Variants in SH3PXD2A observed in about 807,000 individuals in gnomAD.
SH3PXD2A encodes the protein SH3 and PX domains 2A, also known as SH3 and PX domain-containing protein 2A.
Under a neutral mutation model 115.2 loss-of-function variants are expected in SH3PXD2A, and 32 were observed. The observed-to-expected ratio is 0.28, with a 90% confidence interval of 0.21 to 0.37. The LOEUF (loss-of-function observed/expected upper bound fraction) is 0.37. Ranked by LOEUF, SH3PXD2A falls within the 10% of genes least tolerant of loss-of-function variation. The probability of loss-of-function intolerance (pLI) is 1.00; values close to 1 mark genes in which losing one functional copy is unlikely to be tolerated. For missense variants in SH3PXD2A, 1,328 were observed against 1,498.7 expected (o/e 0.89, Z 1.88); for synonymous variants, 610 against 629.1 (o/e 0.97, Z 0.45).
At chr10:103,850,037 G>A (rs1402048054) in intron 1 of SH3PXD2A, among the ~76,000 whole-genome samples, 1 of 152,144 alleles carries the variant, frequency 6.6e-6, no homozygotes, top group African/African-American at 2.4e-5. Flanking sequence ...CAATTAGAAG[G>A]CAATTTACAG....
intron 1 of SH3PXD2A, among the ~76,000 whole-genome samples, chr10:103,823,285 C>T (rs989642362): frequency 2.0e-5 from 3 of 152,248 alleles, no homozygotes; most frequent in Middle Eastern, 3.4e-3. Context: ...CAGAAAAATC[C>T]GTCTCTTTTG....
intron 7 of SH3PXD2A, among the ~76,000 whole-genome samples, chr10:103,663,542 G>T (rs555987488): frequency 3.3e-5 from 5 of 152,256 alleles, no homozygotes. Context: ...CACCCAGGGA[G>T]CTTTTTAAAA....
At chr10:103,790,036 CTTTGCA>C (rs2039019409) in intron 2 of SH3PXD2A, among the ~76,000 whole-genome samples, 1 of 152,174 alleles carries the variant, frequency 6.6e-6, no homozygotes. Flanking sequence ...GTCTTCAGCT[CTTTGCA>C]ACGGCAGCTT....
At chr10:103,815,626 C>T (rs1353677039) in intron 1 of SH3PXD2A, among the ~76,000 whole-genome samples, 2 of 151,914 alleles carry the variant, frequency 1.3e-5, no homozygotes, top group Admixed American at 6.6e-5. Flanking sequence ...TGCGGTGGCT[C>T]ATGCCTCTAA....
rs995079355 is a variant in SH3PXD2A, at chr10:103,661,715, G to A, written c.473-601C>T. ...GGGAGAGAGCTTCTCCACGGCCCAG[G>A]CCCAGGCGAGGAGTCAAGAGGGTTT... On this transcript the variant is annotated intron_variant, in intron 7 of 14. Transcript: ENST00000369774. 10 of 985,268 alleles carry A rather than the reference G, an allele frequency of 1.0e-5. No individual in the cohort carries two copies. In the East Asian group the frequency reaches 5.7e-4, roughly 56 times the overall value. The allele number at this position is 985,268 out of a possible 1,614,324, so 61.0% of individuals were successfully genotyped here.
chr10:103,655,654 T>G (rs1377938353), intron 8 of SH3PXD2A, among the ~76,000 whole-genome samples: 1 of 151,066 alleles, frequency 6.6e-6, no homozygotes, highest in South Asian at 2.1e-4. Flanking sequence ...ACGCCTGTAA[T>G]CCCAGTTACT....
chr10:103,723,390 T>C (rs1564873354), intron 5 of SH3PXD2A, among the ~76,000 whole-genome samples: 3 of 152,210 alleles, frequency 2.0e-5, no homozygotes. Context: ...GCTGAATTTT[T>C]CTCTCCAATG....
chr10:103,687,735 C>T (rs148608864), intron 6 of SH3PXD2A, among the ~76,000 whole-genome samples: 1 of 152,320 alleles, frequency 6.6e-6, no homozygotes, highest in East Asian at 1.9e-4. Context: ...CGATGAAAGT[C>T]AAAATCCTTA....
intron 6 of SH3PXD2A, among the ~76,000 whole-genome samples, chr10:103,686,628 C>T (rs1450090473): frequency 1.3e-5 from 2 of 152,210 alleles, no homozygotes; most frequent in African/African-American, 2.4e-5. Context: ...CAAGCCAGGT[C>T]GCTGCTACTA....
At position 103,602,583 on chromosome 10, in the gene SH3PXD2A, A is replaced by G. The variant is rs769448356; in HGVS notation, c.2635T>C (p.Tyr879His). The change falls in exon 15 of 15, where the codon TAT becomes CAT. Residue 879 changes from tyrosine to histidine, a missense_variant. By Grantham distance (83) the Tyr-to-His change is moderately conservative. Coordinates refer to ENST00000369774, the MANE Select transcript of SH3PXD2A (RefSeq NM_001394015.1). ...VLEKQESGWW[Y>H]VRFGELEGWA... is the part of the protein sequence containing the mutation. ...CCCTCCAGCTCCCCAAACCTCACAT[A>G]CCACCACCCGCTCTCCTGCTTCTCC... The G allele has an allele frequency of 6.2e-7, 1 of 1,614,072 alleles. No individual in the cohort carries two copies. Among genetic ancestry groups the G allele is most frequent in the Non-Finnish European group, 8.5e-7 (1 of 1,180,032 alleles).
At chr10:103,700,637 T>C (rs1455240895) in intron 5 of SH3PXD2A, among the ~76,000 whole-genome samples, 2 of 152,100 alleles carry the variant, frequency 1.3e-5, no homozygotes, top group Non-Finnish European at 2.9e-5. Context: ...GTGGGGAGGA[T>C]GGCAGGAATA....
intron 1 of SH3PXD2A, among the ~76,000 whole-genome samples, chr10:103,843,126 G>A (rs1435611512): frequency 6.6e-6 from 1 of 152,212 alleles, no homozygotes; most frequent in East Asian, 1.9e-4. Context: ...GGGTTAGGTA[G>A]TAGTATTATT....
intron 2 of SH3PXD2A, among the ~76,000 whole-genome samples, chr10:103,787,778 A>G (rs1034594936): frequency 5.9e-5 from 9 of 152,172 alleles, no homozygotes; most frequent in African/African-American, 1.2e-4. Flanking sequence ...TTGGCAAAAA[A>G]CAAACAAACA....
chr10:103,810,926 ACACACATGGACACAGGCGCGCGCGCG>A (rs1276899575), intron 1 of SH3PXD2A, among the ~76,000 whole-genome samples: 1,033 of 6,658 alleles, frequency 0.16, 19 homozygotes, highest in Middle Eastern at 0.38. Flanking sequence ...ACACGGAGAC[ACACACATGGACACAGGCGCGCGCGCG>A]CACACACACA....
intron 2 of SH3PXD2A, among the ~76,000 whole-genome samples, chr10:103,769,336 C>T (rs201462089): frequency 6.6e-6 from 1 of 152,118 alleles, no homozygotes; most frequent in East Asian, 1.9e-4. Context: ...CCGGTGATTA[C>T]ATTCAAAACA....
chr10:103,627,279 A>T lies in SH3PXD2A; in HGVS notation c.605-77T>A, dbSNP rs1335609672. On this transcript the variant is annotated intron_variant, in intron 8 of 14. Coordinates refer to ENST00000369774, the MANE Select transcript of SH3PXD2A (RefSeq NM_001394015.1). This position sits in a 1 kb window ranked among gnomAD's most constrained non-coding sequence, Gnocchi z 4.4. The stretch of plus-strand genomic sequence containing the variant: ...GGGTGGCTCGGGGGCCAGGACAAGG[A>T]TGGAAGGAGAGGCACAAGAAGCGGA... The T allele has an allele frequency of 2.4e-6, 2 of 826,014 alleles. No individual in the cohort carries two copies. Among genetic ancestry groups the T allele is most frequent in the Non-Finnish European group, 4.1e-6 (2 of 485,192 alleles). 51.2% of individuals were successfully genotyped at this position (826,014 alleles called of 1,614,324 possible). A position where few individuals can be genotyped will look rare whatever the true frequency, so the allele number is the denominator to read the frequency against.
chr10:103,768,360 AG>A (rs1425781657), intron 2 of SH3PXD2A, among the ~76,000 whole-genome samples: 2 of 152,234 alleles, frequency 1.3e-5, no homozygotes, highest in South Asian at 2.1e-4. Flanking sequence ...AGAGACCTGC[AG>A]GGGGGCGAGG....
At chr10:103,690,572 T>A (rs1232002149) in intron 6 of SH3PXD2A, among the ~76,000 whole-genome samples, 1 of 152,170 alleles carries the variant, frequency 6.6e-6, no homozygotes, top group Non-Finnish European at 1.5e-5. Context: ...TAAGAGGCCT[T>A]CAACCAATTG....
At chr10:103,832,051 C>T (rs1288337561) in intron 1 of SH3PXD2A, among the ~76,000 whole-genome samples, 2 of 152,108 alleles carry the variant, frequency 1.3e-5, no homozygotes, top group Non-Finnish European at 1.5e-5. Flanking sequence ...TTGCCACTGC[C>T]GGACACTGCT....
Sources: gnomAD v4.1 joint callset for allele counts (sites outside exome capture counted in the v4.1 genomes callset) on GRCh38, gnomAD v4.1.1 for gene constraint, Gnocchi (gnomAD v3.1) non-coding constraint, MANE v1.5 for transcripts, NCBI Gene and HGNC (gene_info 2026-07-23, HGNC 2026-07-21) for gene names.